The following UGT2B7 variants were observed in gnomAD, a reference collection of about 807,000 sequenced individuals.
UGT2B7 encodes the protein UDP glucuronosyltransferase family 2 member B7.
UGT2B7 carries 51 observed loss-of-function variants against 51.9 expected under a neutral mutation model. The observed-to-expected ratio is 0.98, with a 90% CI of 0.78 to 1.24. The LOEUF (loss-of-function observed/expected upper bound fraction) is 1.24, where lower values mean the gene tolerates loss of function less well. UGT2B7 is among the 50% of genes most tolerant of loss of function. The pLI is 0.00. For missense variants in UGT2B7, 727 were observed against 628.4 expected, an observed-to-expected ratio of 1.16 and a Z score of -1.68; for synonymous variants, 225 against 211.6, an observed-to-expected ratio of 1.06 and a Z score of -0.55.
chr4:69,104,487 A>T (rs1321703908), intron 3 of UGT2B7, among the ~76,000 whole-genome samples: 2 of 152,160 alleles, frequency 1.3e-5, no homozygotes, highest in Non-Finnish European at 2.9e-5. Flanking sequence ...TAAAAAAAAG[A>T]AACTTCCTGC....
chr4:69,069,638 A>G (rs1384306266), intron 1 of UGT2B7: 2 of 119,656 alleles, frequency 1.7e-5, no homozygotes, highest in African/African-American at 8.3e-5. Context: ...ATTTTCCTTT[A>G]GCTGTAAAAA....
At chr4:69,102,964 G>A (rs1314463872) in intron 3 of UGT2B7, 26 bp downstream of exon 3, 1 of 1,602,214 alleles carries the variant, frequency 6.2e-7, no homozygotes, top group African/African-American at 1.4e-5. Context: ...TTACTGGTGT[G>A]GAAAACTACT....
At chr4:69,063,243 C>T (rs569774107) in intron 1 of UGT2B7, among the ~76,000 whole-genome samples, 5 of 139,280 alleles carry the variant, frequency 3.6e-5, no homozygotes, top group Admixed American at 1.6e-4. Flanking sequence ...GGCGTGAACC[C>T]GGAAGGCGGA....
At chr4:69,082,408 A>C (rs1473060007) in intron 1 of UGT2B7, among the ~76,000 whole-genome samples, 1 of 150,122 alleles carries the variant, frequency 6.7e-6, no homozygotes, top group Non-Finnish European at 1.5e-5. Flanking sequence ...AAAAAAAAAC[A>C]AAAAAGATAA....
At chr4:69,071,230 A>G (rs577171092) in intron 1 of UGT2B7, among the ~76,000 whole-genome samples, 2 of 152,130 alleles carry the variant, frequency 1.3e-5, no homozygotes, top group South Asian at 4.1e-4. Context: ...ATATGATCTC[A>G]CCTTTCTTGC....
At chr4:69,076,633 T>C (rs561448098) in intron 1 of UGT2B7, among the ~76,000 whole-genome samples, 5 of 152,334 alleles carry the variant, frequency 3.3e-5, no homozygotes, top group Admixed American at 3.3e-4. Context: ...TAGGGTTGTT[T>C]GATTTTTTCT....
intron 1 of UGT2B7, 135 bp downstream of exon 1, chr4:69,097,376 C>A: frequency 1.9e-6 from 2 of 1,052,404 alleles, no homozygotes; most frequent in Non-Finnish European, 2.7e-6. Context: ...ACAAGATGAT[C>A]TATTAATCTC....
intron 3 of UGT2B7, among the ~76,000 whole-genome samples, chr4:69,104,607 T>C (rs527256840): frequency 1.3e-3 from 202 of 152,274 alleles, no homozygotes; most frequent in Middle Eastern, 6.8e-3. Flanking sequence ...TCATTGATAA[T>C]AAATTTGGCA....
intron 5 of UGT2B7, 91 bp downstream of exon 5, chr4:69,108,413 C>A: frequency 1.4e-6 from 2 of 1,379,356 alleles, no homozygotes; most frequent in Non-Finnish European, 2.0e-6. Context: ...TTATAAGAGA[C>A]TAATTTTGAA....
chr4:69,091,162 T>C (rs975273250), intron 2 of UGT2B7, among the ~76,000 whole-genome samples: 4 of 152,040 alleles, frequency 2.6e-5, no homozygotes, highest in African/African-American at 7.3e-5. Context: ...GAAGTACTTG[T>C]GTTTTTTCTC....
intron 1 of UGT2B7, among the ~76,000 whole-genome samples, chr4:69,069,104 A>T (rs1183382904): frequency 1.2e-5 from 1 of 83,948 alleles, no homozygotes; most frequent in Non-Finnish European, 2.2e-5. Context: ...AGATACTTTA[A>T]AAAAAAAAAA....
Position 69,086,418 on chromosome 4 carries a change from T to C in UGT2B7, c.-158-3054T>C, listed in dbSNP as rs567819686. Among the ~76,000 whole-genome samples, 82 of 152,018 alleles carry C rather than the reference T, an allele frequency of 5.4e-4. 1 individual carries two copies. Among genetic ancestry groups the C allele is most frequent in the African/African-American group, 1.9e-3 (77 of 41,538 alleles). ...AATATGGTCTATTCTAGAAGATGTT[T>C]CATGTGCTATTGAGAAGATTACATA... is the stretch of plus-strand genomic sequence containing the variant. On this transcript the variant is annotated intron_variant, in intron 1 of 5. Coordinates refer to the UGT2B7 transcript ENST00000502942.
upstream of UGT2B7, among the ~76,000 whole-genome samples, chr4:69,091,983 C>T (rs1311862100): frequency 1.3e-5 from 2 of 152,260 alleles, no homozygotes; most frequent in African/African-American, 2.4e-5. Context: ...TGCTCTGTCA[C>T]CCAGGCTGAA....
At chr4:69,058,245 A>G (rs1240213906) in intron 1 of UGT2B7, among the ~76,000 whole-genome samples, 3 of 152,154 alleles carry the variant, frequency 2.0e-5, no homozygotes, top group East Asian at 1.9e-4. Context: ...ATATGCTCCA[A>G]TCTACCCACC....
At chr4:69,052,258 TTTAGACCCCTTCCCCCCCAACAG>T (rs1718039334) in intron 1 of UGT2B7, among the ~76,000 whole-genome samples, 1 of 151,950 alleles carries the variant, frequency 6.6e-6, no homozygotes, top group Non-Finnish European at 1.5e-5. Flanking sequence ...TACAGCTGTC[TTTAGACCCCTTCCCCCCCAACAG>T]TAGTTAAGAG....
upstream of UGT2B7, among the ~76,000 whole-genome samples, chr4:69,094,491 G>C (rs1018682460): frequency 1.3e-5 from 2 of 152,242 alleles, no homozygotes; most frequent in Non-Finnish European, 2.9e-5. Flanking sequence ...CAATGCTATA[G>C]CATATTAAGT....
chr4:69,093,157 C>A (rs1719126290), upstream of UGT2B7, among the ~76,000 whole-genome samples: 1 of 152,144 alleles, frequency 6.6e-6, no homozygotes, highest in South Asian at 2.1e-4. Context: ...GTGGAAATGA[C>A]TGGAGTCCCC....
chr4:69,096,384 T>C (rs945565955), upstream of UGT2B7: 4 of 1,375,368 alleles, frequency 2.9e-6, no homozygotes, highest in South Asian at 4.1e-5. Context: ...GCTCAGACTG[T>C]TGATTTAATG....
At position 69,102,928 on chromosome 4, in the gene UGT2B7, T is replaced by C. The variant is rs1197373389; in HGVS notation, c.992T>C (p.Ile331Thr). 1 of 1,612,656 alleles carries C rather than the reference T, an allele frequency of 6.2e-7. No individual in the cohort carries two copies. Among genetic ancestry groups the C allele is most frequent in the Non-Finnish European group, 8.5e-7 (1 of 1,179,388 alleles). ...ANVIASALAQIPQKVLWRFDG... is the reference protein window; with the variant it reads ...ANVIASALAQTPQKVLWRFDG... ...GTAATTGCATCAGCCCTGGCCCAGATCCCACAAAAGGTAAGATGAAGTGCC... is the reference window on the plus strand; with the variant it reads ...GTAATTGCATCAGCCCTGGCCCAGACCCCACAAAAGGTAAGATGAAGTGCC... Residue 331 changes from isoleucine (I) to threonine (T), a missense_variant, in exon 3 of 6, where the codon ATC becomes ACC. By Grantham distance (89) the Ile-to-Thr change is moderately conservative. Transcript: ENST00000305231.
Sources: gnomAD v4.1 joint callset for allele counts (sites outside exome capture counted in the v4.1 genomes callset) on GRCh38, gnomAD v4.1.1 for gene constraint, MANE v1.5 for transcripts, NCBI Gene and HGNC (gene_info 2026-07-23, HGNC 2026-07-21) for gene names.